LINGO2: variants seen among roughly 807,000 people sequenced by gnomAD.
The protein encoded by LINGO2 is leucine-rich repeat and immunoglobulin-like domain-containing nogo receptor-interacting protein 2.
LINGO2 carries 14 observed loss-of-function variants against 30.6 expected under a neutral mutation model. The ratio of observed to expected loss-of-function variants is 0.46; its 90% confidence interval spans 0.30 to 0.72. The LOEUF (loss-of-function observed/expected upper bound fraction) is 0.72, where lower values mean the gene tolerates loss of function less well. LINGO2 is among the 30% of genes least tolerant of loss of function. The probability of loss-of-function intolerance (pLI) is 0.07; values close to 1 mark genes in which losing one functional copy is unlikely to be tolerated. For synonymous variants in LINGO2, 317 were observed against 288.5 expected (o/e 1.10, Z -1.00); for missense variants, 729 against 751.7 (o/e 0.97, Z 0.35).
chr9:29,080,043 A>C, the LINGO2 span, among the ~76,000 whole-genome samples: 1 of 151,862 alleles, frequency 6.6e-6, no homozygotes, highest in Admixed American at 6.6e-5. Context: ...ACACAGATTT[A>C]AATTTTCATA....
intron 5 of LINGO2, among the ~76,000 whole-genome samples, chr9:27,982,114 T>C (rs1260355883): frequency 6.6e-6 from 1 of 151,830 alleles, no homozygotes; most frequent in East Asian, 1.9e-4. Context: ...GCTGCAGGGT[T>C]ACTATGGCAA....
intron 1 of LINGO2, among the ~76,000 whole-genome samples, chr9:28,595,360 T>C (rs1825126441): frequency 1.3e-5 from 2 of 152,066 alleles, no homozygotes; most frequent in South Asian, 4.1e-4. Flanking sequence ...CTTTCACTCA[T>C]TCCATCTCTG....
In LINGO2 at chr9:28,439,265, G is replaced by GTA. The variant is rs563512444; in HGVS notation, c.-279+36673_-279+36674dup. Among the ~76,000 whole-genome samples, 1,428 of 150,590 alleles carry GTA rather than the reference G, an allele frequency of 9.5e-3. 21 individuals carry two copies. Among genetic ancestry groups the GTA allele is most frequent in the African/African-American group, 0.033 (1,344 of 40,800 alleles). On this transcript the variant is annotated intron_variant, in intron 2 of 5. Coordinates refer to ENST00000379992, the Ensembl canonical transcript of LINGO2. ...TATATGTGTGTGTGTATATGTATATGTATATATATGTGTGTGTGTGTGTGT... is the reference window on the plus strand; with the variant it reads ...TATATGTGTGTGTGTATATGTATATGTATATATATATGTGTGTGTGTGTGTGT...
chr9:28,574,075 T>C (rs1823835045), intron 1 of LINGO2, among the ~76,000 whole-genome samples: 1 of 152,188 alleles, frequency 6.6e-6, no homozygotes, highest in African/African-American at 2.4e-5. Flanking sequence ...CTGATCTTTA[T>C]ATACAAATCA....
intron 1 of LINGO2, among the ~76,000 whole-genome samples, chr9:28,587,370 C>T (rs563225454): frequency 1.4e-4 from 21 of 152,004 alleles, no homozygotes; most frequent in Non-Finnish European, 2.9e-4. Context: ...GTGGAGCAGA[C>T]AAAGAGATTG....
At chr9:28,454,695 T>C (rs1014114710) in intron 2 of LINGO2, among the ~76,000 whole-genome samples, 1 of 151,994 alleles carries the variant, frequency 6.6e-6, no homozygotes, top group Admixed American at 6.6e-5. Context: ...TGGGAAGCAA[T>C]ACTGCAAAAG....
chr9:28,626,621 C>T (rs1024789604), intron 1 of LINGO2, among the ~76,000 whole-genome samples: 2 of 151,990 alleles, frequency 1.3e-5, no homozygotes, highest in South Asian at 4.1e-4. Context: ...AACATTTTGG[C>T]ACCTTTGTCA....
chr9:28,865,651 G>T, the LINGO2 span, among the ~76,000 whole-genome samples: 1 of 152,122 alleles, frequency 6.6e-6, no homozygotes, highest in Admixed American at 6.6e-5. Context: ...GGGCATAGTG[G>T]CTTGCGCCTG....
chr9:28,020,846 T>A (rs1823082426), intron 4 of LINGO2, among the ~76,000 whole-genome samples: 1 of 152,174 alleles, frequency 6.6e-6, no homozygotes, highest in African/African-American at 2.4e-5. Context: ...CATTTCTTTA[T>A]CATTTAAACC....
intron 5 of LINGO2, among the ~76,000 whole-genome samples, chr9:27,957,295 A>G (rs1587534663): frequency 6.6e-6 from 1 of 151,590 alleles, no homozygotes; most frequent in African/African-American, 2.4e-5. Flanking sequence ...TGTAGCTTTT[A>G]TTTTTTGTTT....
intron 4 of LINGO2, among the ~76,000 whole-genome samples, chr9:28,077,502 CTATTA>C (rs1419987836): frequency 2.0e-5 from 3 of 152,144 alleles, no homozygotes; most frequent in Non-Finnish European, 2.9e-5. Context: ...TCACTTAAAA[CTATTA>C]TTAAGTCCAT....
the LINGO2 span, among the ~76,000 whole-genome samples, chr9:29,063,396 C>G: frequency 1.0e-4 from 15 of 150,746 alleles, no homozygotes; most frequent in Admixed American, 2.7e-4. Flanking sequence ...CTATAGCAAT[C>G]TATTTACACC....
intron 4 of LINGO2, among the ~76,000 whole-genome samples, chr9:28,058,287 G>C (rs1487853006): frequency 6.6e-6 from 1 of 152,060 alleles, no homozygotes; most frequent in African/African-American, 2.4e-5. Context: ...AAAGAAAACA[G>C]ATATTCTATT....
chr9:28,385,288 G>A (rs1430052074), intron 2 of LINGO2, among the ~76,000 whole-genome samples: 1 of 152,060 alleles, frequency 6.6e-6, no homozygotes, highest in African/African-American at 2.4e-5. Context: ...TGCTCCTTCT[G>A]TAATATAATT....
intron 2 of LINGO2, among the ~76,000 whole-genome samples, chr9:28,436,820 G>T (rs968363532): frequency 6.6e-6 from 1 of 152,148 alleles, no homozygotes; most frequent in Non-Finnish European, 1.5e-5. Context: ...AGGCAGTACT[G>T]CATGGTAGCA....
chr9:28,228,903 A>C (rs1252396913), intron 4 of LINGO2, among the ~76,000 whole-genome samples: 1 of 151,808 alleles, frequency 6.6e-6, no homozygotes, highest in Non-Finnish European at 1.5e-5. Context: ...AACATTTCCA[A>C]ATCAAACTTG....
chr9:28,778,951 A>G, the LINGO2 span, among the ~76,000 whole-genome samples: 2 of 152,300 alleles, frequency 1.3e-5, no homozygotes, highest in Non-Finnish European at 2.9e-5. Flanking sequence ...TGGAAGATAA[A>G]GAAATTGATT....
At chr9:28,278,801 T>C (rs558428751) in intron 4 of LINGO2, among the ~76,000 whole-genome samples, 1 of 152,336 alleles carries the variant, frequency 6.6e-6, no homozygotes, top group East Asian at 1.9e-4. Flanking sequence ...GTTTTGACTT[T>C]TAGGTTTTAT....
In LINGO2 at chr9:28,589,516, C is replaced by G. The variant is rs1200144059; in HGVS notation, c.-365+80684G>C. On this transcript the variant is annotated intron_variant, in intron 1 of 5. Transcript: ENST00000379992. ...TTCTTATACACCAATAACAGACAAA[C>G]AGAGAGCCAAATCATCAGTGAACTC... Among the ~76,000 whole-genome samples the G allele has an allele frequency of 2.0e-5, 3 of 152,122 alleles. No individual in the cohort carries two copies. In the East Asian group the frequency reaches 5.8e-4, roughly 30 times the overall value.
Sources: allele counts gnomAD v4.1 joint callset (sites outside exome capture counted in the v4.1 genomes callset), GRCh38; gene constraint gnomAD v4.1.1; transcripts MANE v1.5; gene names NCBI Gene and HGNC (gene_info 2026-07-23, HGNC 2026-07-21).